Variants in TENT5A observed in about 807,000 individuals in gnomAD.
TENT5A encodes terminal nucleotidyltransferase 5A.
In TENT5A, 9 loss-of-function variants were observed where a neutral mutation model predicts 30.2. That is an observed-to-expected ratio of 0.30 (90% confidence interval 0.18 to 0.52). The LOEUF is 0.52. Ranked by LOEUF, TENT5A falls within the 20% of genes least tolerant of loss-of-function variation. TENT5A has a pLI of 0.97. For synonymous variants in TENT5A, 264 were observed against 234.2 expected (o/e 1.13, Z -1.16); for missense variants, 411 against 566.1 (o/e 0.73, Z 2.78).
rs1282025230 is a variant in TENT5A, at chr6:81,746,647, G to C, written c.*3048C>G. The C allele has an allele frequency of 8.1e-7, 1 of 1,231,592 alleles. No individual in the cohort carries two copies. The highest frequency in any genetic ancestry group is 3.2e-5 in the East Asian group (1 of 31,682). 76.3% of individuals were successfully genotyped at this position (1,231,592 alleles called of 1,614,324 possible). A position where few individuals can be genotyped will look rare whatever the true frequency, so the allele number is the denominator to read the frequency against. On this transcript the variant is annotated 3_prime_UTR_variant, in exon 3 of 3. Transcript: ENST00000320172. ...TTCTCTGACATGCCAGGCTGGACAG[G>C]TGAGAAGAGCCTCCAAAAGACAAAA...
chr6:81,747,524 A>G lies in TENT5A; in HGVS notation c.*2171T>C. 2.5e-5 allele frequency: 25 copies of G among 985,822 alleles called. 1 individual carries two copies. The highest frequency in any genetic ancestry group is 3.0e-5 in the Non-Finnish European group (25 of 829,932). 61.1% of individuals were successfully genotyped at this position (985,822 alleles called of 1,614,324 possible). A position where few individuals can be genotyped will look rare whatever the true frequency, so the allele number is the denominator to read the frequency against. On this transcript the variant is annotated 3_prime_UTR_variant, in exon 3 of 3. Coordinates refer to ENST00000320172, the MANE Select transcript of TENT5A (RefSeq NM_017633.3). Reference sequence around the variant, plus strand: ...CTTCAAAGAAAGATGCACAAAAGGTAGTCCAGACGGATTAACCTGGATTAA... The same window carrying G: ...CTTCAAAGAAAGATGCACAAAAGGTGGTCCAGACGGATTAACCTGGATTAA...
At chr6:81,752,399 G>C (rs529449553) in intron 1 of TENT5A, 32 bp downstream of exon 1, 1 of 1,549,970 alleles carries the variant, frequency 6.5e-7, no homozygotes, top group Admixed American at 2.0e-5. Context: ...GATGCATCTG[G>C]AAAGCGCAAG....
rs1768899160 is a variant in TENT5A at position 81,747,017 on chromosome 6, A to G, written c.*2678T>C. 3.0e-6 allele frequency: 3 copies of G among 985,668 alleles called. No individual in the cohort carries two copies. The highest frequency in any genetic ancestry group is 9.4e-5 in the South Asian group (2 of 21,278). The allele number at this position is 985,668 out of a possible 1,614,324, so 61.1% of individuals were successfully genotyped here. A position where few individuals can be genotyped will look rare whatever the true frequency, so the allele number is the denominator to read the frequency against. ...TAAGCTACCAACCCTGAAGTAAGCA[A>G]GAAAAGAATATAAATATTTAAGAAA... On this transcript the variant is annotated 3_prime_UTR_variant, in exon 3 of 3. Transcript: ENST00000320172.
At position 81,749,393 on chromosome 6, in the gene TENT5A, C is replaced by T. The variant is rs959512137; in HGVS notation, c.*302G>A. 7 of 1,128,014 alleles carry T rather than the reference C, an allele frequency of 6.2e-6. No individual in the cohort carries two copies. The highest frequency in any genetic ancestry group is 7.6e-6 in the Non-Finnish European group (7 of 922,278). The allele number at this position is 1,128,014 out of a possible 1,614,324, so 69.9% of individuals were successfully genotyped here. On this transcript the variant is annotated 3_prime_UTR_variant, in exon 3 of 3. Coordinates refer to ENST00000320172, the MANE Select transcript of TENT5A (RefSeq NM_017633.3). ...ATACAGCAAACCCATATTGTCATCA[C>T]ACATTTCTTCTCTTGTATCAGGAGA...
In TENT5A at chr6:81,749,626, T is replaced by G; in HGVS notation, c.*69A>C. The G allele has an allele frequency of 6.6e-7, 1 of 1,512,684 alleles. No individual in the cohort carries two copies. 93.7% of individuals were successfully genotyped at this position (1,512,684 alleles called of 1,614,324 possible). A position where few individuals can be genotyped will look rare whatever the true frequency, so the allele number is the denominator to read the frequency against. Reference sequence around the variant, plus strand: ...TAAGGGCTGGATCACTCTTTTTTTTTTCTTTTTTTTTTTTTTCTCTCCTGT... The same window carrying G: ...TAAGGGCTGGATCACTCTTTTTTTTGTCTTTTTTTTTTTTTTCTCTCCTGT... On this transcript the variant is annotated 3_prime_UTR_variant, in exon 3 of 3. Coordinates refer to ENST00000320172, the MANE Select transcript of TENT5A (RefSeq NM_017633.3).
Position 81,749,930 on chromosome 6 carries a change from C to T in TENT5A, c.1094G>A (p.Ser365Asn), listed in dbSNP as rs779345430. The change falls in exon 3 of 3, where the codon AGC becomes AAC. Residue 365 changes from serine (S) to asparagine (N), a missense_variant. Physicochemically the swap from Ser to Asn is conservative, Grantham distance 46 (BLOSUM62 1). Coordinates refer to ENST00000320172, the MANE Select transcript of TENT5A (RefSeq NM_017633.3). The stretch of plus-strand genomic sequence containing the variant: ...TTCATGTCCCATCAGGCACACTGTG[C>T]TCTCATTTACCACTCCATGAAGGGT... ...LMTLHGVVNE[S>N]TVCLMGHERR... The T allele has an allele frequency of 6.2e-7, 1 of 1,614,108 alleles. No homozygotes were observed. Among genetic ancestry groups the T allele is most frequent in the Non-Finnish European group, 8.5e-7 (1 of 1,179,982 alleles).
At position 81,749,740 on chromosome 6, in the gene TENT5A, G is replaced by T. The variant is rs145308758; in HGVS notation, c.1284C>A (p.Phe428Leu). 6.2e-7 allele frequency: 1 copy of T among 1,613,200 alleles called. No individual in the cohort carries two copies. The highest frequency in any genetic ancestry group is 1.1e-5 in the South Asian group (1 of 91,070). ...NYYIAQVQPV[F>L]TCQQQTYSTW... ...TGGAGTAGGTCTGTTGCTGGCACGT[G>T]AATACTGGCTGAACCTGTGCAATGT... is the stretch of plus-strand genomic sequence containing the variant. The change falls in exon 3 of 3, where the codon TTC becomes TTA. Residue 428 changes from phenylalanine (F) to leucine (L), a missense_variant. Phe to Leu is a conservative substitution (Grantham distance 22). This residue lies in a region of TENT5A where 75 missense variants were observed against 80.9 expected (regional missense o/e 0.93). Transcript: ENST00000320172.
chr6:81,748,736 T>G lies in TENT5A; in HGVS notation c.*959A>C. The G allele has an allele frequency of 1.0e-6, 1 of 985,554 alleles. No individual in the cohort carries two copies. Among genetic ancestry groups the G allele is most frequent in the Non-Finnish European group, 1.2e-6 (1 of 829,690 alleles). The allele number at this position is 985,554 out of a possible 1,614,324, so 61.1% of individuals were successfully genotyped here. A position where few individuals can be genotyped will look rare whatever the true frequency, so the allele number is the denominator to read the frequency against. ...ACAAATGTTAACTTTATACAAGTAT[T>G]TGCAAGAAAAAATAGGGCATTTTCT... On this transcript the variant is annotated 3_prime_UTR_variant, in exon 3 of 3. Coordinates refer to ENST00000320172, the MANE Select transcript of TENT5A (RefSeq NM_017633.3).
At position 81,752,385 on chromosome 6, in the gene TENT5A, C is replaced by T. The variant is rs766460643; in HGVS notation, c.-38+46G>A. 119 of 1,549,908 alleles carry T rather than the reference C, an allele frequency of 7.7e-5. No homozygotes were observed. In the South Asian group the frequency reaches 1.2e-3, roughly 15 times the overall value. On this transcript the variant is annotated intron_variant, in intron 1 of 2. Coordinates refer to ENST00000320172, the MANE Select transcript of TENT5A (RefSeq NM_017633.3). ...CAGAGCAGCCCCGCACCAAAAGTAT[C>T]TCTGATGCATCTGGAAAGCGCAAGC... is the stretch of plus-strand genomic sequence containing the variant.
chr6:81,746,684 T>C lies in TENT5A; in HGVS notation c.*3011A>G. ...TCCAAAAGACAAAACTTCTTCCTGG[T>C]TTAAAGAAACAGCACACTAGGCCAG... On this transcript the variant is annotated 3_prime_UTR_variant, in exon 3 of 3. Transcript: ENST00000320172. 1 of 1,229,450 alleles carries C rather than the reference T, an allele frequency of 8.1e-7. No homozygotes were observed. The highest frequency in any genetic ancestry group is 1.0e-6 in the Non-Finnish European group (1 of 986,540). 76.2% of individuals were successfully genotyped at this position (1,229,450 alleles called of 1,614,324 possible). A position where few individuals can be genotyped will look rare whatever the true frequency, so the allele number is the denominator to read the frequency against.
chr6:81,752,362 G>C (rs1290045496), intron 1 of TENT5A, 69 bp downstream of exon 1: 112 of 1,545,590 alleles, frequency 7.2e-5, no homozygotes, highest in Admixed American at 1.2e-4. Context: ...GCGCCCCGCA[G>C]AGCAGCCCCG....
chr6:81,752,039 C>T lies in TENT5A; in HGVS notation c.103G>A (p.Gly35Ser), dbSNP rs1184598091. Residue 35 changes from glycine (G) to serine (S), a missense_variant, in exon 2 of 3, where the codon GGC (glycine) becomes AGC (serine). Gly to Ser is a moderately conservative substitution (Grantham distance 56). Transcript: ENST00000320172. ...CCGAAGTCGCCGCCGCCGAAGTCGC[C>T]GCCGCCGAAGTCGCCGCCGCCGAAG... The part of the protein sequence containing the change: ...GDFGGGDFGG[G>S]DFGGGDFGGG... 1 of 1,581,702 alleles carries T rather than the reference C, an allele frequency of 6.3e-7. No homozygotes were observed. The highest frequency in any genetic ancestry group is 8.6e-7 in the Non-Finnish European group (1 of 1,159,238).
In TENT5A at chr6:81,750,463, A is replaced by G; in HGVS notation, c.561T>C (p.Tyr187=). The change falls in exon 3 of 3, where the codon TAT becomes TAC. Residue 187 remains tyrosine, a synonymous_variant. Coordinates refer to ENST00000320172, the MANE Select transcript of TENT5A (RefSeq NM_017633.3). The surrounding 1 kb of genome is among the most constrained non-coding windows in gnomAD (Gnocchi z 4.2). ...TGCACACTTTAACCATTTTCTGCACATAAGCTTCCTACAATTTAAAAGATA... is the reference window on the plus strand; with the variant it reads ...TGCACACTTTAACCATTTTCTGCACGTAAGCTTCCTACAATTTAAAAGATA... ...KITPLTLKEA[Y]VQKMVKVCND... is the part of the protein sequence containing the mutation. 1 of 1,526,840 alleles carries G rather than the reference A, an allele frequency of 6.5e-7. No individual in the cohort carries two copies. Among genetic ancestry groups the G allele is most frequent in the Non-Finnish European group, 8.8e-7 (1 of 1,138,476 alleles). 94.6% of individuals were successfully genotyped at this position (1,526,840 alleles called of 1,614,324 possible). A position where few individuals can be genotyped will look rare whatever the true frequency, so the allele number is the denominator to read the frequency against.
intron 1 of TENT5A, 82 bp from the exon 2 acceptor site, chr6:81,752,260 G>A (rs1769062576): frequency 7.4e-6 from 11 of 1,481,508 alleles, no homozygotes; most frequent in African/African-American, 1.4e-5. Context: ...AGGCCCGCCA[G>A]GAAAAGAGCG....
In TENT5A at chr6:81,746,212, G is replaced by C. The variant is rs1768881929; in HGVS notation, c.*3483C>G. The C allele has an allele frequency of 1.8e-6, 2 of 1,100,732 alleles. No homozygotes were observed. The highest frequency in any genetic ancestry group is 2.2e-6 in the Non-Finnish European group (2 of 905,064). 68.2% of individuals were successfully genotyped at this position (1,100,732 alleles called of 1,614,324 possible). A position where few individuals can be genotyped will look rare whatever the true frequency, so the allele number is the denominator to read the frequency against. Reference sequence around the variant, plus strand: ...TGAAATTACTTTTTTTGGCTTTTTGGTTTCACCTAACACACTTCATCTTCA... The same window carrying C: ...TGAAATTACTTTTTTTGGCTTTTTGCTTTCACCTAACACACTTCATCTTCA... On this transcript the variant is annotated 3_prime_UTR_variant, in exon 3 of 3. Coordinates refer to ENST00000320172, the MANE Select transcript of TENT5A (RefSeq NM_017633.3).
rs78382841 is a variant in TENT5A, at chr6:81,746,032, T to A, written c.*3663A>T. On this transcript the variant is annotated 3_prime_UTR_variant, in exon 3 of 3. Transcript: ENST00000320172. ...CTGCAAGGCTTTGCAGCAAGTCTCG[T>A]TAACTTGACATCTTCCAACTTTGTA... 1 of 985,702 alleles carries A rather than the reference T, an allele frequency of 1.0e-6. No individual in the cohort carries two copies. The allele number at this position is 985,702 out of a possible 1,614,324, so 61.1% of individuals were successfully genotyped here. A position where few individuals can be genotyped will look rare whatever the true frequency, so the allele number is the denominator to read the frequency against.
At position 81,747,445 on chromosome 6, in the gene TENT5A, T is replaced by C. The variant is rs908040783; in HGVS notation, c.*2250A>G. 1.0e-6 allele frequency: 1 copy of C among 985,840 alleles called. No homozygotes were observed. Among genetic ancestry groups the C allele is most frequent in the South Asian group, 4.7e-5 (1 of 21,290 alleles). 61.1% of individuals were successfully genotyped at this position (985,840 alleles called of 1,614,324 possible). A position where few individuals can be genotyped will look rare whatever the true frequency, so the allele number is the denominator to read the frequency against. On this transcript the variant is annotated 3_prime_UTR_variant, in exon 3 of 3. Transcript: ENST00000320172. ...GGCAGTGCAGCGGCTGTTGCAGCTC[T>C]GACAGAATTCACAAGGAAGCTGCTA...
rs761736382 is a variant in TENT5A, at chr6:81,751,609, ATCT to A, written c.530_532del (p.Lys177del). On this transcript the variant is annotated inframe_deletion, in exon 2 of 3. Transcript: ENST00000320172. ...TGTTACCTTGAGCGTGAGTGGTGTG[ATCT>A]TCTCTTTGTTCACCCCCTCGGGTAA... The A allele has an allele frequency of 8.7e-5, 140 of 1,611,494 alleles. No individual in the cohort carries two copies. Among genetic ancestry groups the A allele is most frequent in the Non-Finnish European group, 1.8e-5 (21 of 1,178,668 alleles).
At position 81,750,892 on chromosome 6, in the gene TENT5A, C is replaced by T. The variant is rs376272819; in HGVS notation, c.553-421G>A. ...TGTTCCAAGCCACCCAATTCCTCTCCGCCTGCGGCAATCAATGTTATCAGT... is the reference window on the plus strand; with the variant it reads ...TGTTCCAAGCCACCCAATTCCTCTCTGCCTGCGGCAATCAATGTTATCAGT... On this transcript the variant is annotated intron_variant, in intron 2 of 2. Transcript: ENST00000320172. This position sits in a 1 kb window ranked among gnomAD's most constrained non-coding sequence, Gnocchi z 4.2. Among the ~76,000 whole-genome samples the T allele has an allele frequency of 2.0e-5, 3 of 152,230 alleles. No homozygotes were observed. Among genetic ancestry groups the T allele is most frequent in the Admixed American group, 6.5e-5 (1 of 15,294 alleles).
Sources: gnomAD v4.1 joint callset for allele counts (sites outside exome capture counted in the v4.1 genomes callset) on GRCh38, gnomAD v4.1.1 for gene constraint, gnomAD v4.1.1 regional missense constraint, Gnocchi (gnomAD v3.1) non-coding constraint, MANE v1.5 for transcripts, NCBI Gene and HGNC (gene_info 2026-07-23, HGNC 2026-07-21) for gene names.